TRIM33: variants seen among roughly 807,000 people sequenced by gnomAD.
TRIM33 encodes E3 ubiquitin-protein ligase TRIM33.
TRIM33 carries 20 observed loss-of-function variants against 125.4 expected under a neutral mutation model. The observed-to-expected ratio is 0.16, with a 90% CI of 0.11 to 0.23. The LOEUF is 0.23. TRIM33 is among the 10% of genes least tolerant of loss of function. The pLI is 1.00. For synonymous variants in TRIM33, 564 were observed against 513.9 expected (o/e 1.10, Z -1.32); for missense variants, 920 against 1,411.4 (o/e 0.65, Z 5.58).
rs1030547116 is a variant in TRIM33 at position 114,399,756 on chromosome 1, C to A, written c.2968-147G>T. The A allele has an allele frequency of 2.0e-5, 12 of 609,498 alleles. No individual in the cohort carries two copies. In the East Asian group the frequency reaches 3.6e-4, roughly 18 times the overall value. 37.8% of individuals were successfully genotyped at this position (609,498 alleles called of 1,614,324 possible). A position where few individuals can be genotyped will look rare whatever the true frequency, so the allele number is the denominator to read the frequency against. ...TTTGAGTATAGACGTATGTACTTTA[C>A]ATCTTCATGAAAACCAAATCTTATG... On this transcript the variant is annotated intron_variant, in intron 17 of 19. Coordinates refer to ENST00000358465, the MANE Select transcript of TRIM33 (RefSeq NM_015906.4).
At chr1:114,414,956 T>C (rs1652836448) in intron 11 of TRIM33, among the ~76,000 whole-genome samples, 1 of 151,192 alleles carries the variant, frequency 6.6e-6, no homozygotes, top group Admixed American at 6.6e-5. Context: ...GCACCAAACT[T>C]AATCTTACCA....
intron 1 of TRIM33, among the ~76,000 whole-genome samples, chr1:114,479,444 A>C (rs1026998137): frequency 1.3e-5 from 2 of 152,214 alleles, no homozygotes; most frequent in African/African-American, 4.8e-5. Context: ...TTCATTAAAA[A>C]TATGGAGGCC....
At chr1:114,427,691 T>C in intron 7 of TRIM33, 57 bp downstream of exon 7, 1 of 1,515,124 alleles carries the variant, frequency 6.6e-7, no homozygotes, top group Non-Finnish European at 8.9e-7. Context: ...TGCAATTCAC[T>C]GAATATATAT....
At chr1:114,485,731 C>T (rs1651641899) in intron 1 of TRIM33, among the ~76,000 whole-genome samples, 1 of 152,152 alleles carries the variant, frequency 6.6e-6, no homozygotes, top group Non-Finnish European at 1.5e-5. Flanking sequence ...TGAACATACA[C>T]CCTACCTGGC....
chr1:114,440,798 G>C (rs1648607315), intron 4 of TRIM33, among the ~76,000 whole-genome samples: 1 of 152,128 alleles, frequency 6.6e-6, no homozygotes, highest in African/African-American at 2.4e-5. Flanking sequence ...ATGGAGAATG[G>C]ATTGAGGGGA....
At position 114,394,415 on chromosome 1, in the gene TRIM33, A is replaced by T. The variant is rs1651434359; in HGVS notation, c.*3233T>A. The T allele has an allele frequency of 9.1e-6, 2 of 219,914 alleles. No individual in the cohort carries two copies. Among genetic ancestry groups the T allele is most frequent in the African/African-American group, 2.2e-5 (1 of 44,618 alleles). The allele number at this position is 219,914 out of a possible 1,614,324, so 13.6% of individuals were successfully genotyped here. ...AAGACCTGAATCTATTATCTTATTA[A>T]CACTAATCACTAATAATTACATGGC... On this transcript the variant is annotated 3_prime_UTR_variant, in exon 20 of 20. Transcript: ENST00000358465.
At chr1:114,430,955 G>C in intron 5 of TRIM33, 43 bp from the exon 6 acceptor site, 1 of 1,106,982 alleles carries the variant, frequency 9.0e-7, no homozygotes, top group Non-Finnish European at 1.4e-6. Flanking sequence ...ACTTATCCTA[G>C]GTCTCTGAAT....
intron 10 of TRIM33, 126 bp from the exon 11 acceptor site, chr1:114,421,762 T>C (rs1284508135): frequency 1.9e-5 from 16 of 858,082 alleles, no homozygotes; most frequent in Non-Finnish European, 2.7e-5. Context: ...TTCAAACTTA[T>C]TCAGGAGAAG....
chr1:114,401,028 CT>C (rs944429313), intron 17 of TRIM33, among the ~76,000 whole-genome samples: 9,852 of 142,360 alleles, frequency 0.069, 448 homozygotes, highest in African/African-American at 0.15. Context: ...AGGCCATACT[CT>C]TTTTTTTTTT....
chr1:114,452,727 TAAAAAAA>T (rs34364866), intron 4 of TRIM33, among the ~76,000 whole-genome samples: 8 of 107,722 alleles, frequency 7.4e-5, no homozygotes, highest in Non-Finnish European at 1.3e-4. Flanking sequence ...CCCCATCTCT[TAAAAAAA>T]AAAAAAAAAA....
chr1:114,474,333 T>G (rs984996358), intron 1 of TRIM33, among the ~76,000 whole-genome samples: 3 of 146,530 alleles, frequency 2.0e-5, no homozygotes, highest in African/African-American at 7.6e-5. Flanking sequence ...CACTTTGGGC[T>G]GAGGTGGGAG....
chr1:114,461,680 C>A (rs1164859777), intron 4 of TRIM33, among the ~76,000 whole-genome samples: 1 of 152,146 alleles, frequency 6.6e-6, no homozygotes, highest in Non-Finnish European at 1.5e-5. Flanking sequence ...TGAAGCTATT[C>A]TTTAATGAGG....
intron 1 of TRIM33, among the ~76,000 whole-genome samples, chr1:114,510,337 C>A (rs982187006): frequency 6.6e-6 from 1 of 152,182 alleles, no homozygotes; most frequent in African/African-American, 2.4e-5. Flanking sequence ...CCTCCCCCAG[C>A]CTCTCGCAGC....
intron 4 of TRIM33, among the ~76,000 whole-genome samples, chr1:114,434,052 A>G (rs1470510351): frequency 6.6e-6 from 1 of 152,230 alleles, no homozygotes; most frequent in Admixed American, 6.5e-5. Context: ...TAAATCATAA[A>G]GCGTAACCAC....
chr1:114,448,735 G>A (rs1451935514), intron 4 of TRIM33, among the ~76,000 whole-genome samples: 1 of 152,134 alleles, frequency 6.6e-6, no homozygotes, highest in Non-Finnish European at 1.5e-5. Flanking sequence ...TAGGATCAAT[G>A]GATTAAAATA....
At chr1:114,471,995 T>C (rs1650683210) in intron 1 of TRIM33, among the ~76,000 whole-genome samples, 1 of 152,222 alleles carries the variant, frequency 6.6e-6, no homozygotes. Context: ...TTACGCTATT[T>C]AGTGTAAATA....
chr1:114,430,652 T>C (rs1282104635), intron 6 of TRIM33, 146 bp downstream of exon 6: 2 of 605,700 alleles, frequency 3.3e-6, no homozygotes, highest in Non-Finnish European at 2.9e-6. Context: ...AAAGGTCTCT[T>C]CCAAAAGTAA....
chr1:114,454,065 G>A (rs1300704748), intron 4 of TRIM33, among the ~76,000 whole-genome samples: 2 of 152,210 alleles, frequency 1.3e-5, no homozygotes, highest in African/African-American at 2.4e-5. Flanking sequence ...TATCAAACCT[G>A]AGTGTAGTTT....
At chr1:114,428,167 G>A (rs1387425216) in intron 6 of TRIM33, among the ~76,000 whole-genome samples, 1 of 152,106 alleles carries the variant, frequency 6.6e-6, no homozygotes, top group Non-Finnish European at 1.5e-5. Context: ...TAAAAATAGT[G>A]TCTTCCTATT....
Sources: gnomAD v4.1 joint callset for allele counts (sites outside exome capture counted in the v4.1 genomes callset) on GRCh38, gnomAD v4.1.1 for gene constraint, MANE v1.5 for transcripts, NCBI Gene and HGNC (gene_info 2026-07-23, HGNC 2026-07-21) for gene names.